Variants in AP1M1 observed in about 807,000 individuals in gnomAD.
The protein encoded by AP1M1 is adaptor related protein complex 1 subunit mu 1, also known as AP-1 complex subunit mu-1.
In AP1M1, 18 loss-of-function variants were observed where a neutral mutation model predicts 57.1. The observed-to-expected ratio is 0.32, with a 90% CI of 0.22 to 0.47. The LOEUF (loss-of-function observed/expected upper bound fraction) is 0.47, where lower values mean the gene tolerates loss of function less well. Among genes scored for constraint, AP1M1 ranks in the 20% least tolerant of loss-of-function variants. AP1M1 has a pLI of 1.00. For synonymous variants in AP1M1, 241 were observed against 237.9 expected (o/e 1.01, Z -0.12); for missense variants, 362 against 593.5 (o/e 0.61, Z 4.05).
intron 9 of AP1M1, among the ~76,000 whole-genome samples, chr19:16,232,085 G>A (rs1568356181): frequency 6.6e-6 from 1 of 152,238 alleles, no homozygotes; most frequent in Non-Finnish European, 1.5e-5. Flanking sequence ...TACTTCATGC[G>A]TGGGTACCTG....
intron 5 of AP1M1, among the ~76,000 whole-genome samples, chr19:16,216,350 C>T (rs545301409): frequency 2.0e-4 from 30 of 151,824 alleles, no homozygotes; most frequent in African/African-American, 7.2e-4. Flanking sequence ...GAGGCTGAGG[C>T]AGGAGAATGG....
intron 5 of AP1M1, among the ~76,000 whole-genome samples, chr19:16,214,109 C>T (rs560149148): frequency 8.2e-5 from 12 of 145,514 alleles, no homozygotes; most frequent in Non-Finnish European, 1.3e-4. Flanking sequence ...AGTGCCATGG[C>T]GTGATCTTGG....
In AP1M1 at chr19:16,234,664, C is replaced by G. The variant is rs1291397412; in HGVS notation, c.*229C>G. On this transcript the variant is annotated 3_prime_UTR_variant, in exon 12 of 12. Transcript: ENST00000291439. ...CTTCAAGAAGTCTCGTTTCTTTGCC[C>G]CTGAAGTCAGTTTCAGGGGAAGGAT... The G allele has an allele frequency of 3.3e-6, 2 of 602,224 alleles. No homozygotes were observed. The highest frequency in any genetic ancestry group is 5.9e-6 in the Non-Finnish European group (2 of 340,126). 37.3% of individuals were successfully genotyped at this position (602,224 alleles called of 1,614,324 possible). A position where few individuals can be genotyped will look rare whatever the true frequency, so the allele number is the denominator to read the frequency against.
At chr19:16,231,311 CA>C (rs2091596115) in intron 9 of AP1M1, among the ~76,000 whole-genome samples, 3 of 128,154 alleles carry the variant, frequency 2.3e-5, no homozygotes, top group Admixed American at 7.6e-5. Flanking sequence ...AAAAAAAAAA[CA>C]CAGAGAGAGA....
At chr19:16,200,173 C>T (rs910623051) in intron 1 of AP1M1, among the ~76,000 whole-genome samples, 2 of 152,218 alleles carry the variant, frequency 1.3e-5, no homozygotes, top group Non-Finnish European at 2.9e-5. Flanking sequence ...GACATTACCA[C>T]ACAGTTGGAT....
intron 5 of AP1M1, among the ~76,000 whole-genome samples, chr19:16,223,150 A>C (rs1402038776): frequency 6.6e-6 from 1 of 152,166 alleles, no homozygotes; most frequent in African/African-American, 2.4e-5. Context: ...TCTTACTTTC[A>C]GGCCACAAGT....
chr19:16,234,292 C>T lies in AP1M1; in HGVS notation c.1249+18C>T, dbSNP rs374418377. 481 of 1,613,260 alleles carry T rather than the reference C, an allele frequency of 3.0e-4. No individual in the cohort carries two copies. In the African/African-American group the frequency reaches 3.7e-3, roughly 13 times the overall value. On this transcript the variant is annotated intron_variant, in intron 11 of 11. Transcript: ENST00000291439. ...GAATGGAGGTGAGTGAGGCCCTACC[C>T]GTGGGGTGGGGTTGTACTGAGGGGT...
Position 16,234,703 on chromosome 19 carries a change from G to A in AP1M1, c.*268G>A, listed in dbSNP as rs990932794. The stretch of plus-strand genomic sequence containing the variant: ...CAGGGGAAGGATGTGAAATTTTTCC[G>A]TGTAGAGGTTACAGCCTTTTATGCT... On this transcript the variant is annotated 3_prime_UTR_variant, in exon 12 of 12. Coordinates refer to ENST00000291439, the MANE Select transcript of AP1M1 (RefSeq NM_032493.4). 3.4e-5 allele frequency: 20 copies of A among 581,316 alleles called. No homozygotes were observed. Among genetic ancestry groups the A allele is most frequent in the East Asian group, 8.5e-5 (3 of 35,430 alleles). The allele number at this position is 581,316 out of a possible 1,614,324, so 36.0% of individuals were successfully genotyped here.
At position 16,203,718 on chromosome 19, in the gene AP1M1, G is replaced by A. The variant is rs2091458531; in HGVS notation, c.199+103G>A. On this transcript the variant is annotated intron_variant, in intron 2 of 11. Transcript: ENST00000291439. The surrounding 1 kb of genome is among the most constrained non-coding windows in gnomAD (Gnocchi z 4.6). ...CAGGGCTGGTTTGTGCACAGCGCAA[G>A]CATTGGACACAGCCATGCCCTCCTG... is the stretch of plus-strand genomic sequence containing the variant. 1 of 1,290,832 alleles carries A rather than the reference G, an allele frequency of 7.7e-7. No individual in the cohort carries two copies. Among genetic ancestry groups the A allele is most frequent in the African/African-American group, 1.5e-5 (1 of 67,278 alleles). The allele number at this position is 1,290,832 out of a possible 1,614,324, so 80.0% of individuals were successfully genotyped here.
intron 1 of AP1M1, among the ~76,000 whole-genome samples, chr19:16,202,015 C>T (rs1017941382): frequency 4.6e-4 from 70 of 152,234 alleles, no homozygotes; most frequent in African/African-American, 1.6e-3. Context: ...AGAGCCCTGT[C>T]ACCCTTTGTG....
At chr19:16,202,190 C>T (rs1011927604) in intron 1 of AP1M1, among the ~76,000 whole-genome samples, 1 of 152,172 alleles carries the variant, frequency 6.6e-6, no homozygotes, top group Non-Finnish European at 1.5e-5. Flanking sequence ...AGAATAAAGG[C>T]AGCGTGTGAT....
Position 16,235,609 on chromosome 19 carries a change from G to C in AP1M1, c.*1174G>C, listed in dbSNP as rs1215823969. Reference sequence around the variant, plus strand: ...CTGCTGCACCCTCAGATGGCCAACAGCTTGTCCCCACCTCTCCCCAAACTG... The same window carrying C: ...CTGCTGCACCCTCAGATGGCCAACACCTTGTCCCCACCTCTCCCCAAACTG... On this transcript the variant is annotated 3_prime_UTR_variant, in exon 12 of 12. Transcript: ENST00000291439. 1 of 152,414 alleles carries C rather than the reference G, an allele frequency of 6.6e-6. No homozygotes were observed. The highest frequency in any genetic ancestry group is 1.5e-5 in the Non-Finnish European group (1 of 68,204). 9.4% of individuals were successfully genotyped at this position (152,414 alleles called of 1,614,324 possible).
intron 9 of AP1M1, among the ~76,000 whole-genome samples, chr19:16,230,688 C>T (rs916833282): frequency 2.0e-5 from 3 of 152,052 alleles, no homozygotes; most frequent in Non-Finnish European, 2.9e-5. Context: ...TGTGGGCCAC[C>T]GTGCCCGGCT....
rs1163098471 is a variant in AP1M1 at position 16,227,252 on chromosome 19, G to A, written c.674-296G>A. ...GAGCCATCCCCCAGCCAAGTCCACT[G>A]ATCAATCATTCAGTGAACGTGTCCT... is the stretch of plus-strand genomic sequence containing the variant. On this transcript the variant is annotated intron_variant, in intron 6 of 11. Coordinates refer to ENST00000291439, the MANE Select transcript of AP1M1 (RefSeq NM_032493.4). This position sits in a 1 kb window ranked among gnomAD's most constrained non-coding sequence, Gnocchi z 6.2. Among the ~76,000 whole-genome samples the A allele has an allele frequency of 1.3e-5, 2 of 152,180 alleles. No individual in the cohort carries two copies. Among genetic ancestry groups the A allele is most frequent in the African/African-American group, 4.8e-5 (2 of 41,460 alleles).
chr19:16,224,880 T>C (rs935302442), intron 5 of AP1M1, among the ~76,000 whole-genome samples: 2 of 152,070 alleles, frequency 1.3e-5, no homozygotes, highest in African/African-American at 4.8e-5. Flanking sequence ...GAGCCTCCGC[T>C]TGCCCACTGA....
rs778452872 is a variant in AP1M1 at position 16,198,014 on chromosome 19, T to A, written c.-13T>A. ...ACCGCCCTCGGCCGCTGCCGAGGCC[T>A]CCTGCAGCCATCATGTCCGCCAGCG... On this transcript the variant is annotated 5_prime_UTR_variant, in exon 1 of 12. Coordinates refer to ENST00000291439, the MANE Select transcript of AP1M1 (RefSeq NM_032493.4). The A allele has an allele frequency of 7.3e-7, 1 of 1,370,372 alleles. No homozygotes were observed. Among genetic ancestry groups the A allele is most frequent in the Admixed American group, 2.3e-5 (1 of 43,158 alleles). The allele number at this position is 1,370,372 out of a possible 1,614,324, so 84.9% of individuals were successfully genotyped here.
chr19:16,198,212 C>G, intron 1 of AP1M1, 144 bp downstream of exon 1: 2 of 787,576 alleles, frequency 2.5e-6, no homozygotes, highest in Non-Finnish European at 3.8e-6. Context: ...ACCTGAGAGC[C>G]CCATCCTGTT....
intron 5 of AP1M1, among the ~76,000 whole-genome samples, chr19:16,218,831 G>T (rs989551863): frequency 1.3e-5 from 2 of 152,118 alleles, no homozygotes; most frequent in African/African-American, 4.8e-5. Flanking sequence ...GAACCTCCAC[G>T]TGTTCAGCTC....
chr19:16,232,397 T>C (rs2091602755), intron 9 of AP1M1, among the ~76,000 whole-genome samples: 1 of 152,254 alleles, frequency 6.6e-6, no homozygotes, highest in Non-Finnish European at 1.5e-5. Context: ...CCATCGCCCC[T>C]GGCGTCTGCT....
Sources: allele counts gnomAD v4.1 joint callset (sites outside exome capture counted in the v4.1 genomes callset), GRCh38; gene constraint gnomAD v4.1.1; non-coding constraint Gnocchi (gnomAD v3.1); transcripts MANE v1.5; gene names NCBI Gene and HGNC (gene_info 2026-07-23, HGNC 2026-07-21).